Variants in CIAO3 observed in about 807,000 individuals in gnomAD.
CIAO3 encodes the protein cytosolic iron-sulfur assembly component 3.
Under a neutral mutation model 51.5 loss-of-function variants are expected in CIAO3, and 45 were observed. That is an observed-to-expected ratio of 0.87 (90% CI 0.69 to 1.12). The LOEUF (loss-of-function observed/expected upper bound fraction) is 1.12, where lower values mean the gene tolerates loss of function less well. Ranked by LOEUF, CIAO3 falls within the 50% of genes most tolerant of loss-of-function variation. The pLI is 0.00. For synonymous variants in CIAO3, 314 were observed against 269.3 expected, an observed-to-expected ratio of 1.17 and a Z score of -1.63; for missense variants, 668 against 632.5, an observed-to-expected ratio of 1.06 and a Z score of -0.60.
chr16:740,866 C>A, intron 1 of CIAO3, 54 bp downstream of exon 1: 1 of 1,474,636 alleles, frequency 6.8e-7, no homozygotes, highest in Non-Finnish European at 9.1e-7. Flanking sequence ...AATTTCCCTC[C>A]GCGCGACAGG....
rs2041351022 is a variant in CIAO3 at position 737,435 on chromosome 16, GCTGGGCTTGTGTGCCGCTGAA to G, written c.163-127_163-107del. ...TAACCGACAACCAACATGGCTGCTGGCTGGGCTTGTGTGCCGCTGAATTTTTAAAAATTAGGTATGTATTAC... is the reference window on the plus strand; with the variant it reads ...TAACCGACAACCAACATGGCTGCTGGTTTTTAAAAATTAGGTATGTATTAC... On this transcript the variant is annotated intron_variant, in intron 2 of 10. Transcript: ENST00000251588. The surrounding 1 kb of genome is among the most constrained non-coding windows in gnomAD (Gnocchi z 5.3). 1.9e-6 allele frequency: 3 copies of G among 1,582,748 alleles called. No homozygotes were observed. The Admixed American group carries it at 5.2e-5, about 28-fold the overall frequency.
intron 4 of CIAO3, 37 bp downstream of exon 4, chr16:736,228 AT>A: frequency 6.2e-7 from 1 of 1,610,858 alleles, no homozygotes; most frequent in Non-Finnish European, 8.5e-7. Context: ...CGCCCCCTTG[AT>A]TTGGAGCGGC....
At chr16:740,134 C>G in intron 1 of CIAO3, 1 of 1,298,248 alleles carries the variant, frequency 7.7e-7, no homozygotes, top group South Asian at 1.2e-5. Context: ...GCTCAGTGCC[C>G]GGGAAACAAG....
intron 1 of CIAO3, chr16:740,069 G>A (rs565175925): frequency 4.4e-6 from 6 of 1,369,430 alleles, no homozygotes; most frequent in Non-Finnish European, 5.8e-6. Flanking sequence ...AGAGACCAGA[G>A]TTGCACTGCC....
At chr16:738,168 C>T (rs2041357603) in intron 2 of CIAO3, 3 of 999,960 alleles carry the variant, frequency 3.0e-6, no homozygotes, top group Non-Finnish European at 2.4e-6. Context: ...CTCCTCCAAA[C>T]CAACTGCCAC....
chr16:735,015 C>T (rs2041324228), intron 4 of CIAO3, 144 bp from the exon 5 acceptor site: 2 of 1,151,608 alleles, frequency 1.7e-6, no homozygotes, highest in East Asian at 5.3e-5. Flanking sequence ...ACCGTGGGGA[C>T]CTCCTAAAGC....
At chr16:736,177 G>T in intron 4 of CIAO3, 89 bp downstream of exon 4, 1 of 1,524,104 alleles carries the variant, frequency 6.6e-7, no homozygotes, top group Non-Finnish European at 9.0e-7. Context: ...TGGGTAGCGT[G>T]TCAGTGACTC....
chr16:734,459 G>C, intron 5 of CIAO3, 112 bp from the exon 6 acceptor site: 1 of 858,856 alleles, frequency 1.2e-6, no homozygotes, highest in East Asian at 2.6e-5. Context: ...AGATCATGAT[G>C]ACATTAAAGA....
In CIAO3 at chr16:733,604, T is replaced by C. The variant is rs952937154; in HGVS notation, c.694-177A>G. 11 of 892,102 alleles carry C rather than the reference T, an allele frequency of 1.2e-5. No individual in the cohort carries two copies. The East Asian group carries it at 2.5e-4, about 20-fold the overall frequency. 55.3% of individuals were successfully genotyped at this position (892,102 alleles called of 1,614,324 possible). ...ATGTGTCCCTGGACAGGACGGGCCC[T>C]GGCTGTGACAGAAAATGACACTGAC... On this transcript the variant is annotated intron_variant, in intron 6 of 10. Coordinates refer to ENST00000251588, the MANE Select transcript of CIAO3 (RefSeq NM_022493.3).
chr16:730,687 G>A, intron 10 of CIAO3, 32 bp from the exon 11 acceptor site: 1 of 1,595,430 alleles, frequency 6.3e-7, no homozygotes, highest in Non-Finnish European at 8.5e-7. Context: ...AGGGGTCACA[G>A]CCTGCGCCCC....
At position 737,528 on chromosome 16, in the gene CIAO3, G is replaced by A. The variant is rs2041351911; in HGVS notation, c.163-199C>T. The A allele has an allele frequency of 1.3e-6, 2 of 1,516,646 alleles. No homozygotes were observed. The highest frequency in any genetic ancestry group is 1.8e-6 in the Non-Finnish European group (2 of 1,135,330). 93.9% of individuals were successfully genotyped at this position (1,516,646 alleles called of 1,614,324 possible). A position where few individuals can be genotyped will look rare whatever the true frequency, so the allele number is the denominator to read the frequency against. On this transcript the variant is annotated intron_variant, in intron 2 of 10. Coordinates refer to ENST00000251588, the MANE Select transcript of CIAO3 (RefSeq NM_022493.3). This position sits in a 1 kb window ranked among gnomAD's most constrained non-coding sequence, Gnocchi z 5.3. ...ACAGTTTCATAATGCCGTCAAGTCT[G>A]CTTCTTGGTACCACTTGGTTAGTGC...
At position 737,157 on chromosome 16, in the gene CIAO3, G is replaced by C; in HGVS notation, c.306+29C>G. The stretch of plus-strand genomic sequence containing the variant: ...CTGCTGGGATGGATTTCAGGTTAAA[G>C]CAGAGTCACCAGGCCGACCACTGCT... On this transcript the variant is annotated intron_variant, in intron 3 of 10. Transcript: ENST00000251588. This position sits in a 1 kb window ranked among gnomAD's most constrained non-coding sequence, Gnocchi z 5.3. The C allele has an allele frequency of 6.2e-7, 1 of 1,612,938 alleles. No homozygotes were observed. The highest frequency in any genetic ancestry group is 8.5e-7 in the Non-Finnish European group (1 of 1,179,566).
chr16:729,932 C>A lies in CIAO3; in HGVS notation c.*485G>T. 1 of 349,510 alleles carries A rather than the reference C, an allele frequency of 2.9e-6. No homozygotes were observed. Among genetic ancestry groups the A allele is most frequent in the South Asian group, 2.4e-5 (1 of 42,408 alleles). 21.7% of individuals were successfully genotyped at this position (349,510 alleles called of 1,614,324 possible). On this transcript the variant is annotated 3_prime_UTR_variant, in exon 11 of 11. Transcript: ENST00000251588. ...CTTTCCAGGGGCCTGGCACCCCCCCCTGCCAGGGTCCACACGCAGGGTTGT... is the reference window on the plus strand; with the variant it reads ...CTTTCCAGGGGCCTGGCACCCCCCCATGCCAGGGTCCACACGCAGGGTTGT...
At chr16:738,960 C>A (rs2041365710) in intron 2 of CIAO3, among the ~76,000 whole-genome samples, 2 of 146,248 alleles carry the variant, frequency 1.4e-5, no homozygotes, top group South Asian at 4.7e-4. Context: ...TTAACAGTTT[C>A]ATCAGGATCT....
chr16:739,514 G>T (rs531749597), intron 2 of CIAO3, 129 bp downstream of exon 2: 123 of 941,132 alleles, frequency 1.3e-4, no homozygotes, highest in Admixed American at 5.4e-4. Context: ...AGGTGAATTC[G>T]ACCAGTGGGA....
intron 9 of CIAO3, 60 bp from the exon 10 acceptor site, chr16:731,060 G>A: frequency 6.3e-7 from 1 of 1,595,256 alleles, no homozygotes. Context: ...TGCCTGCCTG[G>A]AAGGGGAGGC....
intron 9 of CIAO3, 114 bp downstream of exon 9, chr16:731,451 G>A: frequency 7.2e-7 from 1 of 1,384,050 alleles, no homozygotes. Context: ...AAACCCTGCA[G>A]GCTGCCCTCC....
Position 739,638 on chromosome 16 carries a change from C to T in CIAO3, c.162+5G>A, listed in dbSNP as rs1198433582. The stretch of plus-strand genomic sequence containing the variant: ...GAGATGGTGGAGCAGCCTCCTGTGC[C>T]TTACTTGGTTAATTTGGAAGTAGCT... On this transcript the variant is annotated splice_donor_5th_base_variant and intron_variant, in intron 2 of 10. Transcript: ENST00000251588. The T allele has an allele frequency of 3.7e-6, 6 of 1,613,682 alleles. No individual in the cohort carries two copies. Among genetic ancestry groups the T allele is most frequent in the South Asian group, 1.1e-5 (1 of 91,080 alleles).
chr16:738,859 G>A (rs996040741), intron 2 of CIAO3, among the ~76,000 whole-genome samples: 1 of 144,504 alleles, frequency 6.9e-6, no homozygotes, highest in Non-Finnish European at 1.5e-5. Context: ...GGCTGGTCTC[G>A]AACTCCTGAC....
Sources: gnomAD v4.1 joint callset for allele counts (sites outside exome capture counted in the v4.1 genomes callset) on GRCh38, gnomAD v4.1.1 for gene constraint, Gnocchi (gnomAD v3.1) non-coding constraint, MANE v1.5 for transcripts, NCBI Gene and HGNC (gene_info 2026-07-23, HGNC 2026-07-21) for gene names.